The following CEP41 variants were observed in gnomAD, a reference collection of about 807,000 sequenced individuals.
CEP41 encodes centrosomal protein of 41 kDa.
In CEP41, 32 loss-of-function variants were observed where a neutral mutation model predicts 44.3. The observed-to-expected ratio is 0.72, with a 90% CI of 0.54 to 0.97. CEP41 has a LOEUF of 0.97. CEP41 is among the 50% of genes least tolerant of loss of function. CEP41 has a pLI of 0.00. For synonymous variants in CEP41, 151 were observed against 168.5 expected, an observed-to-expected ratio of 0.90 and a Z score of 0.80; for missense variants, 432 against 455.2, an observed-to-expected ratio of 0.95 and a Z score of 0.46.
intron 9 of CEP41, 54 bp downstream of exon 9, chr7:130,400,653 G>T: frequency 1.9e-6 from 2 of 1,035,096 alleles, no homozygotes; most frequent in Non-Finnish European, 3.0e-6. Context: ...GATGCAGGTG[G>T]GACTGAAGGA....
intron 5 of CEP41, among the ~76,000 whole-genome samples, chr7:130,408,521 A>T (rs1797079156): frequency 6.6e-6 from 1 of 152,238 alleles, no homozygotes; most frequent in Non-Finnish European, 1.5e-5. Flanking sequence ...AATAAATAAA[A>T]AACTGTTAGA....
intron 2 of CEP41, chr7:130,420,180 A>C: frequency 2.2e-6 from 1 of 447,030 alleles, no homozygotes; most frequent in Non-Finnish European, 3.0e-6. Flanking sequence ...ATACACAAAA[A>C]CTAGCCAGGC....
At position 130,394,012 on chromosome 7, in the gene CEP41, C is replaced by G. The variant is rs782594583; in HGVS notation, c.*4879G>C. ...TTCCCCAGAGCAGATGTTTCAGTTC[C>G]TGAATTTCCATCGCCTTTTGTGCAG... On this transcript the variant is annotated 3_prime_UTR_variant, in exon 11 of 11. Transcript: ENST00000223208. The G allele has an allele frequency of 3.7e-5, 17 of 454,052 alleles. 1 individual carries two copies. The highest frequency in any genetic ancestry group is 6.9e-4 in the Middle Eastern group (1 of 1,444). 28.1% of individuals were successfully genotyped at this position (454,052 alleles called of 1,614,324 possible).
intron 1 of CEP41, among the ~76,000 whole-genome samples, chr7:130,440,209 C>G (rs1214582922): frequency 6.6e-6 from 1 of 151,986 alleles, no homozygotes; most frequent in African/African-American, 2.4e-5. Flanking sequence ...TTAGTAGAGA[C>G]GGGGTTTCGC....
At chr7:130,400,849 A>C (rs782287994) in intron 8 of CEP41, 28 bp from the exon 9 acceptor site, 3 of 1,436,688 alleles carry the variant, frequency 2.1e-6, no homozygotes, top group Non-Finnish European at 2.0e-6. Flanking sequence ...TAAGGTTCCA[A>C]GGCACTGGGC....
intron 5 of CEP41, among the ~76,000 whole-genome samples, chr7:130,408,349 G>A (rs909335844): frequency 7.9e-5 from 12 of 151,910 alleles, no homozygotes; most frequent in South Asian, 4.2e-4. Context: ...ATTGTTCTCC[G>A]TTGTACAAAG....
chr7:130,441,090 C>T, upstream of CEP41: 1 of 1,146,584 alleles, frequency 8.7e-7, no homozygotes, highest in Admixed American at 1.9e-5. Flanking sequence ...GCCCGTCTTC[C>T]CCGGCCGGCC....
intron 2 of CEP41, chr7:130,420,050 A>G (rs1797456532): frequency 1.0e-6 from 1 of 985,260 alleles, no homozygotes. Flanking sequence ...GGTCAGGTGC[A>G]CTGGATCATG....
chr7:130,441,276 C>T (rs1287567895), upstream of CEP41: 4 of 385,472 alleles, frequency 1.0e-5, no homozygotes, highest in East Asian at 1.2e-4. Context: ...GGAAGGCTGG[C>T]GCCTGCGCAA....
At position 130,397,434 on chromosome 7, in the gene CEP41, T is replaced by G. The variant is rs192000598; in HGVS notation, c.*1457A>C. On this transcript the variant is annotated 3_prime_UTR_variant, in exon 11 of 11. Transcript: ENST00000223208. ...TGAATCTGAAAGTTATTTTTCCATA[T>G]GTCTCTATGAGATATTTATTACGTT... 3 of 445,706 alleles carry G rather than the reference T, an allele frequency of 6.7e-6. No individual in the cohort carries two copies. Among genetic ancestry groups the G allele is most frequent in the South Asian group, 4.8e-5 (3 of 62,868 alleles). The allele number at this position is 445,706 out of a possible 1,614,324, so 27.6% of individuals were successfully genotyped here. A position where few individuals can be genotyped will look rare whatever the true frequency, so the allele number is the denominator to read the frequency against.
chr7:130,437,764 C>CAAAAAAAAAA (rs1171735164), intron 1 of CEP41, among the ~76,000 whole-genome samples: 2 of 32,406 alleles, frequency 6.2e-5, no homozygotes, highest in Non-Finnish European at 1.2e-4. Flanking sequence ...AAGACTGTCT[C>CAAAAAAAAAA]AAAAAAAAAA....
At chr7:130,422,474 G>T (rs1554422428) in intron 2 of CEP41, among the ~76,000 whole-genome samples, 1 of 152,152 alleles carries the variant, frequency 6.6e-6, no homozygotes, top group Non-Finnish European at 1.5e-5. Context: ...TGCTGGGTTT[G>T]GGTTGATCCA....
rs782552317 is a variant in CEP41, at chr7:130,398,951, G to A, written c.1062C>T (p.Ala354=). ...TGAGGGAGCGGGGGTTTGAGTGGCT[G>A]GCGGGGCCGCCACCTGGCAGATTCT... ...SAQNLPGGGP[A]SHSNPRSLSS... is the part of the protein sequence containing the mutation. Residue 354 remains alanine, a synonymous_variant, in exon 11 of 11, where the codon GCC becomes GCT. Coordinates refer to ENST00000223208, the MANE Select transcript of CEP41 (RefSeq NM_018718.3). 3 of 1,614,216 alleles carry A rather than the reference G, an allele frequency of 1.9e-6. No homozygotes were observed. The highest frequency in any genetic ancestry group is 2.2e-5 in the East Asian group (1 of 44,888).
chr7:130,436,077 C>T (rs1202430416), intron 1 of CEP41, among the ~76,000 whole-genome samples: 1 of 152,110 alleles, frequency 6.6e-6, no homozygotes, highest in Non-Finnish European at 1.5e-5. Flanking sequence ...TCACTTGAAC[C>T]CAGGCAGCAG....
intron 1 of CEP41, among the ~76,000 whole-genome samples, chr7:130,428,428 CAAAAAAAAAAAAAAAA>C (rs67847969): frequency 2.6e-5 from 1 of 38,084 alleles, no homozygotes; most frequent in African/African-American, 1.1e-4. Flanking sequence ...GACTCTGACT[CAAAAAAAAAAAAAAAA>C]AAAAAAAAAG....
chr7:130,393,800 G>A lies in CEP41; in HGVS notation c.*5091C>T, dbSNP rs1181290169. ...ATCAATATGGTTTACTGAATGAATG[G>A]CTAGACCTATCAGGAAAACAGCCTA... is the stretch of plus-strand genomic sequence containing the variant. On this transcript the variant is annotated 3_prime_UTR_variant, in exon 11 of 11. Coordinates refer to ENST00000223208, the MANE Select transcript of CEP41 (RefSeq NM_018718.3). 6.6e-6 allele frequency: 3 copies of A among 453,752 alleles called. No individual in the cohort carries two copies. Among genetic ancestry groups the A allele is most frequent in the Non-Finnish European group, 1.3e-5 (3 of 226,712 alleles). 28.1% of individuals were successfully genotyped at this position (453,752 alleles called of 1,614,324 possible).
At chr7:130,403,108 G>A (rs1796904948) in intron 6 of CEP41, among the ~76,000 whole-genome samples, 1 of 152,160 alleles carries the variant, frequency 6.6e-6, no homozygotes. Flanking sequence ...CTAGCCACAA[G>A]GGCAGCATCA....
chr7:130,395,255 G>GA lies in CEP41; in HGVS notation c.*3635dup, dbSNP rs1246966610. On this transcript the variant is annotated 3_prime_UTR_variant, in exon 11 of 11. Transcript: ENST00000223208. Reference sequence around the variant, plus strand: ...ACAATGTTATTTATTGCTTTTGCATGAAAAAATAATTGTTAGTGAAAAATT... The same window carrying GA: ...ACAATGTTATTTATTGCTTTTGCATGAAAAAAATAATTGTTAGTGAAAAATT... 3 of 452,680 alleles carry GA rather than the reference G, an allele frequency of 6.6e-6. No homozygotes were observed. Among genetic ancestry groups the GA allele is most frequent in the Admixed American group, 2.4e-5 (1 of 42,488 alleles). The allele number at this position is 452,680 out of a possible 1,614,324, so 28.0% of individuals were successfully genotyped here.
intron 2 of CEP41, among the ~76,000 whole-genome samples, chr7:130,425,202 G>A (rs1453145988): frequency 6.6e-6 from 1 of 151,464 alleles, no homozygotes; most frequent in African/African-American, 2.4e-5. Flanking sequence ...ATCACTTGAG[G>A]CAGGAGTTTG....
Sources: gnomAD v4.1 joint callset for allele counts (sites outside exome capture counted in the v4.1 genomes callset) on GRCh38, gnomAD v4.1.1 for gene constraint, MANE v1.5 for transcripts, NCBI Gene and HGNC (gene_info 2026-07-23, HGNC 2026-07-21) for gene names.